Variants in FSTL5 observed in about 807,000 individuals in gnomAD.
The protein encoded by FSTL5 is follistatin like 5, also known as follistatin-related protein 5.
Under a neutral mutation model 89.1 loss-of-function variants are expected in FSTL5, and 62 were observed. The ratio of observed to expected loss-of-function variants is 0.70; its 90% confidence interval spans 0.57 to 0.86. The LOEUF (loss-of-function observed/expected upper bound fraction) is 0.86. Ranked by LOEUF, FSTL5 falls within the 40% of genes least tolerant of loss-of-function variation. The probability of loss-of-function intolerance (pLI) is 0.00; values close to 1 mark genes in which losing one functional copy is unlikely to be tolerated. For synonymous variants in FSTL5, 383 were observed against 346.2 expected (o/e 1.11, Z -1.18); for missense variants, 1,057 against 1,001.6 (o/e 1.06, Z -0.75).
intron 6 of FSTL5, among the ~76,000 whole-genome samples, chr4:161,673,259 A>C (rs1737183025): frequency 6.6e-6 from 1 of 152,056 alleles, no homozygotes; most frequent in Non-Finnish European, 1.5e-5. Flanking sequence ...TTAGAAGAGG[A>C]GTTCAGTACA....
intron 10 of FSTL5, among the ~76,000 whole-genome samples, chr4:161,529,007 G>A (rs1731324430): frequency 7.0e-6 from 1 of 143,210 alleles, no homozygotes. Flanking sequence ...CATTGGCATT[G>A]TGTAATATGA....
intron 4 of FSTL5, among the ~76,000 whole-genome samples, chr4:161,841,279 A>C (rs1416650532): frequency 2.0e-5 from 3 of 152,214 alleles, no homozygotes; most frequent in Non-Finnish European, 4.4e-5. Context: ...TGAAATAGAA[A>C]AGGAAAACCA....
chr4:161,671,695 A>C (rs2126698699), intron 6 of FSTL5, among the ~76,000 whole-genome samples: 1 of 152,262 alleles, frequency 6.6e-6, no homozygotes, highest in African/African-American at 2.4e-5. Context: ...TTAAAAAAAA[A>C]ATCTTTGAGC....
At chr4:161,808,357 T>G (rs945752280) in intron 4 of FSTL5, among the ~76,000 whole-genome samples, 1 of 152,110 alleles carries the variant, frequency 6.6e-6, no homozygotes, top group Non-Finnish European at 1.5e-5. Flanking sequence ...AAGCAAGAAC[T>G]GTACAGAGTC....
intron 3 of FSTL5, among the ~76,000 whole-genome samples, chr4:162,029,566 C>T (rs1737437113): frequency 6.6e-6 from 1 of 152,078 alleles, no homozygotes; most frequent in African/African-American, 2.4e-5. Context: ...GGTTAAGTCA[C>T]TTCTCAAAGA....
At chr4:161,788,573 A>G (rs1741995804) in intron 4 of FSTL5, among the ~76,000 whole-genome samples, 1 of 152,180 alleles carries the variant, frequency 6.6e-6, no homozygotes, top group South Asian at 2.1e-4. Context: ...TTGAAGAATT[A>G]TTTAGTAAAA....
At chr4:161,899,502 C>T (rs1733281921) in intron 4 of FSTL5, among the ~76,000 whole-genome samples, 1 of 152,174 alleles carries the variant, frequency 6.6e-6, no homozygotes, top group South Asian at 2.1e-4. Context: ...ATCAAAAGGC[C>T]TACAGTTCTT....
rs190133929 is a variant in FSTL5 at position 162,094,965 on chromosome 4, G to A, written c.126+16306C>T. On this transcript the variant is annotated intron_variant, in intron 2 of 15. Transcript: ENST00000306100. ...TGGTATGTTTTAATATTTTTCTTTA[G>A]TCATACATTCTGGGTACTGATGGCA... Among the ~76,000 whole-genome samples, 19 of 152,054 alleles carry A rather than the reference G, an allele frequency of 1.2e-4. No individual in the cohort carries two copies. The East Asian group carries it at 3.5e-3, about 28-fold the overall frequency.
intron 7 of FSTL5, among the ~76,000 whole-genome samples, chr4:161,635,195 T>G (rs1705504451): frequency 6.6e-6 from 1 of 152,070 alleles, no homozygotes; most frequent in African/African-American, 2.4e-5. Context: ...AAGACCAGCC[T>G]GGCCAAGATG....
At chr4:161,603,960 A>C (rs2126628108) in intron 7 of FSTL5, among the ~76,000 whole-genome samples, 1 of 152,072 alleles carries the variant, frequency 6.6e-6, no homozygotes, top group East Asian at 1.9e-4. Flanking sequence ...AAAACTAATC[A>C]ATCAATTAAT....
chr4:161,397,685 A>G (rs1731054994), intron 15 of FSTL5, among the ~76,000 whole-genome samples: 2 of 151,616 alleles, frequency 1.3e-5, no homozygotes, highest in Admixed American at 1.3e-4. Flanking sequence ...TAAAAGTCAT[A>G]TAAGTTAAAA....
In FSTL5 at chr4:161,384,022, CT is replaced by C. The variant is rs1254024249; in HGVS notation, c.*1724del. 1 of 152,120 alleles carries C rather than the reference CT, an allele frequency of 6.6e-6. No homozygotes were observed. Among genetic ancestry groups the C allele is most frequent in the Non-Finnish European group, 1.5e-5 (1 of 67,996 alleles). 9.4% of individuals were successfully genotyped at this position (152,120 alleles called of 1,614,324 possible). On this transcript the variant is annotated 3_prime_UTR_variant, in exon 16 of 16. Transcript: ENST00000306100. ...ACATGAAATCATTAAGTCACAGACACTTTATATGGTTCATGTTCACAAGGAA... is the reference window on the plus strand; with the variant it reads ...ACATGAAATCATTAAGTCACAGACACTTATATGGTTCATGTTCACAAGGAA...
intron 2 of FSTL5, among the ~76,000 whole-genome samples, chr4:162,082,359 G>A (rs150280842): frequency 6.7e-4 from 101 of 151,590 alleles, no homozygotes; most frequent in Admixed American, 1.6e-3. Flanking sequence ...TATTGTTCAC[G>A]TATGTTATTG....
intron 6 of FSTL5, among the ~76,000 whole-genome samples, chr4:161,744,102 C>T (rs551498925): frequency 5.9e-5 from 9 of 151,986 alleles, no homozygotes; most frequent in South Asian, 2.1e-4. Context: ...TTTAAATCAT[C>T]CTGTTTTTTT....
chr4:162,027,793 C>G (rs1005942157), intron 3 of FSTL5, among the ~76,000 whole-genome samples: 1 of 152,072 alleles, frequency 6.6e-6, no homozygotes, highest in African/African-American at 2.4e-5. Flanking sequence ...AGTTAATCAT[C>G]TACTATCAAG....
chr4:162,097,424 C>T (rs1203862135), intron 2 of FSTL5, among the ~76,000 whole-genome samples: 1 of 151,622 alleles, frequency 6.6e-6, no homozygotes, highest in Non-Finnish European at 1.5e-5. Context: ...TTATAACTTT[C>T]AATTATTTTA....
chr4:161,978,492 C>T (rs1020972348), intron 3 of FSTL5, among the ~76,000 whole-genome samples: 12 of 151,828 alleles, frequency 7.9e-5, no homozygotes, highest in East Asian at 7.7e-4. Context: ...TATTTTACAA[C>T]GTAAGAATAG....
chr4:161,705,986 A>G (rs1463890756), intron 6 of FSTL5, among the ~76,000 whole-genome samples: 2 of 96,652 alleles, frequency 2.1e-5, no homozygotes, highest in African/African-American at 8.7e-5. Context: ...ATATATATAT[A>G]TATATATATA....
At chr4:161,513,272 G>GAGAGAGAGAGAGAGA (rs1730707497) in intron 10 of FSTL5, among the ~76,000 whole-genome samples, 5 of 110,026 alleles carry the variant, frequency 4.5e-5, no homozygotes, top group Non-Finnish European at 5.4e-5. Context: ...ACAAGGAGGG[G>GAGAGAGAGAGAGAGA]GAGAGAGAGA....
Sources: allele counts gnomAD v4.1 joint callset (sites outside exome capture counted in the v4.1 genomes callset), GRCh38; gene constraint gnomAD v4.1.1; transcripts MANE v1.5; gene names NCBI Gene and HGNC (gene_info 2026-07-23, HGNC 2026-07-21).